NMU: variants seen among roughly 807,000 people sequenced by gnomAD.
NMU encodes neuromedin-U.
A neutral mutation model predicts 35.4 loss-of-function variants in NMU; 29 were observed. The observed-to-expected ratio is 0.82, with a 90% CI of 0.61 to 1.12. The LOEUF is 1.12. Among genes scored for constraint, NMU ranks in the 50% most tolerant of loss-of-function variants. The probability of loss-of-function intolerance (pLI) is 0.00; values close to 1 mark genes in which losing one functional copy is unlikely to be tolerated. For missense variants in NMU, 199 were observed against 206.2 expected (o/e 0.97, Z 0.21); for synonymous variants, 78 against 81.3 (o/e 0.96, Z 0.22).
chr4:55,603,996 TAC>T lies in NMU; in HGVS notation c.435+1277_435+1278del, dbSNP rs1287385943. ...ATATATGTATATATGTGTATATATA[TAC>T]GTATATATGTATATATGTGTATATA... On this transcript the variant is annotated intron_variant, in intron 7 of 9. Coordinates refer to ENST00000264218, the MANE Select transcript of NMU (RefSeq NM_006681.4). Among the ~76,000 whole-genome samples the T allele has an allele frequency of 2.2e-3, 72 of 32,062 alleles. 16 individuals carry two copies. Among genetic ancestry groups the T allele is most frequent in the African/African-American group, 4.9e-3 (45 of 9,190 alleles). 21.0% of individuals were successfully genotyped at this position (32,062 alleles called of 152,430 possible).
At position 55,630,461 on chromosome 4, in the gene NMU, C is replaced by G; in HGVS notation, c.113-1G>C. On this transcript the variant is annotated splice_acceptor_variant, in intron 1 of 9. Transcript: ENST00000264218. LOFTEE classifies it high-confidence loss of function. ...AATCCTTGAGGTAATATTGGAGCAC[C>G]TAAAAATAAAGTTGTAGCCACAGAT... 1 of 1,609,700 alleles carries G rather than the reference C, an allele frequency of 6.2e-7. No homozygotes were observed. The highest frequency in any genetic ancestry group is 8.5e-7 in the Non-Finnish European group (1 of 1,176,448).
chr4:55,635,295 T>C (rs182652696), intron 1 of NMU, among the ~76,000 whole-genome samples: 16 of 152,320 alleles, frequency 1.1e-4, no homozygotes, highest in African/African-American at 3.4e-4. Context: ...TGCTCGGCTA[T>C]GTCTCCAAAG....
intron 6 of NMU, 134 bp from the exon 7 acceptor site, chr4:55,605,483 T>C (rs1205579784): frequency 2.7e-6 from 2 of 738,002 alleles, no homozygotes; most frequent in Non-Finnish European, 5.0e-6. Flanking sequence ...AGATGTCACC[T>C]AAAACAGGTC....
chr4:55,619,007 C>A (rs1734245648), intron 2 of NMU, among the ~76,000 whole-genome samples: 1 of 151,588 alleles, frequency 6.6e-6, no homozygotes, highest in Non-Finnish European at 1.5e-5. Context: ...GTAGCTGGGA[C>A]CACAGGCAAG....
chr4:55,598,088 G>GTTTTTT (rs1560510499), intron 9 of NMU, among the ~76,000 whole-genome samples: 2 of 89,014 alleles, frequency 2.2e-5, no homozygotes, highest in African/African-American at 9.5e-5. Context: ...TTTTGGTTGT[G>GTTTTTT]GTTTTTTTTT....
rs187311082 is a variant in NMU at position 55,610,282 on chromosome 4, G to A, written c.220-1103C>T. The stretch of plus-strand genomic sequence containing the variant: ...ATTCGAGACCAGCCTGGCCAACACG[G>A]TGAAACCCAGTCTCTACTAAAATAC... On this transcript the variant is annotated intron_variant, in intron 3 of 9. Transcript: ENST00000264218. 2.7e-3 allele frequency among the ~76,000 whole-genome samples: 410 copies of A among 152,064 alleles called. 3 individuals carry two copies. Among genetic ancestry groups the A allele is most frequent in the Middle Eastern group, 0.024 (7 of 294 alleles).
intron 2 of NMU, among the ~76,000 whole-genome samples, chr4:55,617,504 TGG>T (rs1037103537): frequency 2.0e-5 from 3 of 151,926 alleles, no homozygotes; most frequent in African/African-American, 7.2e-5. Context: ...CCTGAAATCA[TGG>T]ACACACACAC....
intron 4 of NMU, 76 bp downstream of exon 4, chr4:55,609,044 T>C (rs1402763644): frequency 2.1e-5 from 26 of 1,239,428 alleles, no homozygotes; most frequent in Non-Finnish European, 3.1e-5. Flanking sequence ...AAATTGGGCA[T>C]ATTTTCTTCC....
intron 7 of NMU, among the ~76,000 whole-genome samples, chr4:55,604,217 C>T (rs763761568): frequency 6.7e-5 from 10 of 150,076 alleles, no homozygotes; most frequent in East Asian, 2.0e-4. Flanking sequence ...AGGCGCCCAC[C>T]GCCACGCCCA....
At chr4:55,630,365 A>G (rs748922923) in intron 2 of NMU, 37 bp downstream of exon 2, 1 of 1,481,724 alleles carries the variant, frequency 6.7e-7, no homozygotes. Flanking sequence ...AAAGAAGGGT[A>G]AAGTTTCTAC....
chr4:55,618,884 CTTT>C (rs775458324), intron 2 of NMU, among the ~76,000 whole-genome samples: 2 of 127,882 alleles, frequency 1.6e-5, no homozygotes, highest in Non-Finnish European at 3.4e-5. Flanking sequence ...TTCTCTCTTT[CTTT>C]TTTTTTTTTT....
chr4:55,635,075 C>T (rs1715843540), intron 1 of NMU, among the ~76,000 whole-genome samples: 1 of 152,174 alleles, frequency 6.6e-6, no homozygotes, highest in African/African-American at 2.4e-5. Context: ...AATGACACAA[C>T]AGTCTGCCAC....
chr4:55,609,789 T>A (rs746775817), intron 3 of NMU, among the ~76,000 whole-genome samples: 1 of 152,108 alleles, frequency 6.6e-6, no homozygotes, highest in South Asian at 2.1e-4. Flanking sequence ...CTGGGTGTGG[T>A]AAGGAGTAGA....
chr4:55,615,940 G>A (rs1000886198), intron 3 of NMU, among the ~76,000 whole-genome samples: 1 of 151,982 alleles, frequency 6.6e-6, no homozygotes, highest in Non-Finnish European at 1.5e-5. Context: ...GTGGAGACGG[G>A]GTCTTGCTAT....
rs1001916427 is a variant in NMU, at chr4:55,625,669, C to T, written c.171+4733G>A. Among the ~76,000 whole-genome samples the T allele has an allele frequency of 2.6e-5, 4 of 152,242 alleles. 1 individual carries two copies. The highest frequency in any genetic ancestry group is 2.6e-4 in the Admixed American group (4 of 15,282). ...TTTTTATATTTCCATTTCCTACCCC[C>T]ATTCCACCCTCCTATAGGCAACTCT... On this transcript the variant is annotated intron_variant, in intron 2 of 9. Coordinates refer to ENST00000264218, the MANE Select transcript of NMU (RefSeq NM_006681.4).
chr4:55,636,097 G>GC lies in NMU; in HGVS notation c.95dup (p.Cys32TrpfsTer18), dbSNP rs1208516816. 1 of 1,530,644 alleles carries GC rather than the reference G, an allele frequency of 6.5e-7. No homozygotes were observed. The highest frequency in any genetic ancestry group is 8.7e-7 in the Non-Finnish European group (1 of 1,145,022). The allele number at this position is 1,530,644 out of a possible 1,614,324, so 94.8% of individuals were successfully genotyped here. The stretch of plus-strand genomic sequence containing the variant: ...CCGTCTTACCTCGGCAGGCGCCCGC[G>GC]CACCAGGCGAGCAGCAGCAGCAGCA... On this transcript the variant is annotated frameshift_variant, in exon 1 of 10. Coordinates refer to ENST00000264218, the MANE Select transcript of NMU (RefSeq NM_006681.4). LOFTEE classifies it high-confidence loss of function. The surrounding 1 kb of genome is among the most constrained non-coding windows in gnomAD (Gnocchi z 4.0).
intron 2 of NMU, among the ~76,000 whole-genome samples, chr4:55,629,717 T>C (rs1734683178): frequency 6.6e-6 from 1 of 152,128 alleles, no homozygotes; most frequent in East Asian, 1.9e-4. Flanking sequence ...AATTTATTAA[T>C]TGTATGATTA....
At chr4:55,616,067 T>C (rs1734100140) in intron 3 of NMU, among the ~76,000 whole-genome samples, 1 of 152,180 alleles carries the variant, frequency 6.6e-6, no homozygotes, top group African/African-American at 2.4e-5. Context: ...TATTTCTAAC[T>C]TAACACATAA....
chr4:55,611,636 G>T (rs2110196105), intron 3 of NMU, among the ~76,000 whole-genome samples: 1 of 152,114 alleles, frequency 6.6e-6, no homozygotes, highest in South Asian at 2.1e-4. Flanking sequence ...TTTACATTAT[G>T]TATTTACTGT....
Sources: gnomAD v4.1 joint callset for allele counts (sites outside exome capture counted in the v4.1 genomes callset) on GRCh38, gnomAD v4.1.1 for gene constraint, Gnocchi (gnomAD v3.1) non-coding constraint, MANE v1.5 for transcripts, NCBI Gene and HGNC (gene_info 2026-07-23, HGNC 2026-07-21) for gene names.